CR1: variants seen among roughly 807,000 people sequenced by gnomAD.
CR1 encodes the protein complement C3b/C4b receptor 1 (Knops blood group).
A neutral mutation model predicts 187.3 loss-of-function variants in CR1; 116 were observed. That is an observed-to-expected ratio of 0.62 (90% CI 0.53 to 0.72). The LOEUF is 0.72. Among genes scored for constraint, CR1 ranks in the 30% least tolerant of loss-of-function variants. CR1 has a pLI of 0.00. For synonymous variants in CR1, 576 were observed against 747.1 expected (o/e 0.77, Z 3.73); for missense variants, 1,731 against 2,110.7 (o/e 0.82, Z 3.52).
intron 37 of CR1, among the ~76,000 whole-genome samples, chr1:207,610,374 C>T (rs993013952): frequency 1.3e-4 from 19 of 151,972 alleles, no homozygotes; most frequent in African/African-American, 3.9e-4. Context: ...GCTCTGTTGC[C>T]CAGGCTGGAG....
chr1:207,628,044 A>T (rs1571616545), intron 45 of CR1, among the ~76,000 whole-genome samples: 1 of 152,172 alleles, frequency 6.6e-6, no homozygotes, highest in Non-Finnish European at 1.5e-5. Context: ...AATTTTCAAC[A>T]TATAAATTTG....
intron 46 of CR1, among the ~76,000 whole-genome samples, chr1:207,637,343 C>A: frequency 6.6e-6 from 1 of 152,024 alleles, no homozygotes; most frequent in African/African-American, 2.4e-5. Flanking sequence ...ATAATAGTTC[C>A]GAATTCACTG....
In CR1 at chr1:207,618,182, T is replaced by A; in HGVS notation, c.7001T>A (p.Val2334Glu). The change falls in exon 42 of 47, where the codon GTG becomes GAG. Residue 2334 changes from valine to glutamate, a missense_variant. By Grantham distance (121) the Val-to-Glu change is moderately radical. Coordinates refer to ENST00000367049, the MANE Select transcript of CR1 (RefSeq NM_000651.6). ...ATTTGTGACCCCGGCTACCTGTTAGTGGGAAAGGGCTTCATTTTCTGTACA... is the reference window on the plus strand; with the variant it reads ...ATTTGTGACCCCGGCTACCTGTTAGAGGGAAAGGGCTTCATTTTCTGTACA... Reference protein sequence around the residue: ...SYICDPGYLLVGKGFIFCTDQ... With the variant: ...SYICDPGYLLEGKGFIFCTDQ... The A allele has an allele frequency of 1.9e-6, 3 of 1,613,754 alleles. No individual in the cohort carries two copies. The highest frequency in any genetic ancestry group is 2.5e-6 in the Non-Finnish European group (3 of 1,179,770).
chr1:207,617,699 A>G (rs1662190705), intron 41 of CR1, among the ~76,000 whole-genome samples: 2 of 144,128 alleles, frequency 1.4e-5, no homozygotes, highest in Non-Finnish European at 3.0e-5. Flanking sequence ...TTCCTTTGAT[A>G]TATTAGTCTG....
chr1:207,572,465 G>A (rs939273384), intron 27 of CR1, among the ~76,000 whole-genome samples: 7 of 151,866 alleles, frequency 4.6e-5, no homozygotes, highest in Admixed American at 6.6e-5. Flanking sequence ...ATAATCTTTA[G>A]TATTTTTTAT....
chr1:207,581,151 T>G (rs910592898), intron 31 of CR1, among the ~76,000 whole-genome samples: 1 of 152,008 alleles, frequency 6.6e-6, no homozygotes, highest in African/African-American at 2.4e-5. Flanking sequence ...CGTATATGTA[T>G]ACGTATACAT....
At chr1:207,566,498 C>T (rs1164837614) in intron 24 of CR1, among the ~76,000 whole-genome samples, 1 of 149,860 alleles carries the variant, frequency 6.7e-6, no homozygotes, top group African/African-American at 2.5e-5. Flanking sequence ...ATTCCCTGTC[C>T]CCATGTTGTT....
intron 4 of CR1, among the ~76,000 whole-genome samples, chr1:207,520,968 GTTT>G (rs141546660): frequency 0.013 from 560 of 44,532 alleles, 2 homozygotes; most frequent in African/African-American, 0.053. Flanking sequence ...TTTTTTGGTT[GTTT>G]TTTTTTTTTT....
Position 207,584,820 on chromosome 1 carries a change from A to G in CR1, c.5474A>G (p.His1825Arg), listed in dbSNP as rs998252826. Residue 1825 changes from histidine (H) to arginine (R), a missense_variant, in exon 33 of 47, where the codon CAT becomes CGT. This residue lies in a region of CR1 where 1,312 missense variants were observed against 1,379.6 expected (regional missense o/e 0.95). Coordinates refer to ENST00000367049, the MANE Select transcript of CR1 (RefSeq NM_000651.6). The part of the protein sequence containing the change: ...ESTIRCTSDP[H>R]GNGVWSSPAP... ...ACCATCCGCTGCACAAGTGACCCTC[A>G]TGGGAATGGGGTTTGGAGCAGCCCT... is the stretch of plus-strand genomic sequence containing the variant. The G allele has an allele frequency of 8.7e-6, 14 of 1,613,954 alleles. No homozygotes were observed. The highest frequency in any genetic ancestry group is 1.7e-5 in the Admixed American group (1 of 60,016).
rs1662989218 is a variant in CR1 at position 207,641,650 on chromosome 1, GTTTGC to G, written c.*2245_*2249del. 1 of 152,054 alleles carries G rather than the reference GTTTGC, an allele frequency of 6.6e-6. No homozygotes were observed. Among genetic ancestry groups the G allele is most frequent in the Non-Finnish European group, 1.5e-5 (1 of 68,008 alleles). 9.4% of individuals were successfully genotyped at this position (152,054 alleles called of 1,614,324 possible). On this transcript the variant is annotated 3_prime_UTR_variant, in exon 47 of 47. Coordinates refer to ENST00000367049, the MANE Select transcript of CR1 (RefSeq NM_000651.6). ...TGCTAGTCCTAACATTCTTTGTTTTGTTTGCTTTTTTGGCACACTTAAGTGTGTAC... is the reference window on the plus strand; with the variant it reads ...TGCTAGTCCTAACATTCTTTGTTTTGTTTTTTGGCACACTTAAGTGTGTAC...
rs143638065 is a variant in CR1, at chr1:207,511,774, C to T, written c.487+120C>T. Reference sequence around the variant, plus strand: ...CTGTCCTTCACACGGCTGAAGACTGCGGTAATGTTCTCGAATATTCCTATG... The same window carrying T: ...CTGTCCTTCACACGGCTGAAGACTGTGGTAATGTTCTCGAATATTCCTATG... On this transcript the variant is annotated intron_variant, in intron 4 of 46. Transcript: ENST00000367049. 707 of 893,260 alleles carry T rather than the reference C, an allele frequency of 7.9e-4. 4 individuals are homozygous for T. The highest frequency in any genetic ancestry group is 4.9e-3 in the African/African-American group (297 of 60,250). The allele number at this position is 893,260 out of a possible 1,614,324, so 55.3% of individuals were successfully genotyped here.
intron 35 of CR1, among the ~76,000 whole-genome samples, chr1:207,599,680 G>A (rs1661548571): frequency 1.3e-5 from 2 of 152,170 alleles, no homozygotes; most frequent in South Asian, 4.1e-4. Flanking sequence ...ATTTGAATGG[G>A]TGACCATGTT....
intron 5 of CR1, among the ~76,000 whole-genome samples, chr1:207,526,369 A>G (rs1660171513): frequency 6.6e-6 from 1 of 151,710 alleles, no homozygotes; most frequent in Non-Finnish European, 1.5e-5. Context: ...TTAAAATGCA[A>G]GACTAAATTG....
chr1:207,572,482 A>G (rs1195297011), intron 27 of CR1, among the ~76,000 whole-genome samples: 1 of 151,902 alleles, frequency 6.6e-6, no homozygotes, highest in Non-Finnish European at 1.5e-5. Flanking sequence ...TTATCAATAA[A>G]CCTTTTTTTA....
intron 28 of CR1, among the ~76,000 whole-genome samples, chr1:207,576,513 T>C (rs1244063019): frequency 6.6e-6 from 1 of 152,212 alleles, no homozygotes; most frequent in Non-Finnish European, 1.5e-5. Context: ...TTGTTCTTAT[T>C]ATTTAATAAA....
chr1:207,628,433 A>ATGTTTATT (rs1038255600), intron 45 of CR1, among the ~76,000 whole-genome samples: 3 of 152,206 alleles, frequency 2.0e-5, no homozygotes, highest in African/African-American at 7.2e-5. Flanking sequence ...AAGAGTTAAC[A>ATGTTTATT]TGTTTATTTA....
chr1:207,525,759 C>T (rs1020743410), intron 5 of CR1, among the ~76,000 whole-genome samples: 30 of 152,086 alleles, frequency 2.0e-4, no homozygotes, highest in African/African-American at 6.5e-4. Flanking sequence ...TTAACCAGCA[C>T]AGCACCTCAA....
chr1:207,630,825 G>C (rs764284497), intron 46 of CR1, among the ~76,000 whole-genome samples: 1 of 151,966 alleles, frequency 6.6e-6, no homozygotes, highest in South Asian at 2.1e-4. Flanking sequence ...CTATAAGTTA[G>C]TACAGTCACA....
chr1:207,612,166 G>T lies in CR1; in HGVS notation c.6575+125G>T, dbSNP rs545806430. On this transcript the variant is annotated intron_variant, in intron 39 of 46. Coordinates refer to ENST00000367049, the MANE Select transcript of CR1 (RefSeq NM_000651.6). ...AAGTACCCAGAGAGATTAATTTATG[G>T]AAGGGTAGTTTTGAAATAAGGGTAG... 27 of 1,043,576 alleles carry T rather than the reference G, an allele frequency of 2.6e-5. No homozygotes were observed. The South Asian group carries it at 4.0e-4, about 15-fold the overall frequency. 64.6% of individuals were successfully genotyped at this position (1,043,576 alleles called of 1,614,324 possible).
Sources: allele counts gnomAD v4.1 joint callset (sites outside exome capture counted in the v4.1 genomes callset), GRCh38; gene constraint gnomAD v4.1.1; regional missense constraint gnomAD v4.1.1; transcripts MANE v1.5; gene names NCBI Gene and HGNC (gene_info 2026-07-23, HGNC 2026-07-21).